CXXC5: variants seen among roughly 807,000 people sequenced by gnomAD.
CXXC5 encodes the protein CXXC finger protein 5.
A neutral mutation model predicts 17.6 loss-of-function variants in CXXC5; 2 were observed. The observed-to-expected ratio is 0.11, with a 90% CI of 0.05 to 0.36. CXXC5 has a LOEUF of 0.36. Among genes scored for constraint, CXXC5 ranks in the 10% least tolerant of loss-of-function variants. CXXC5 has a pLI of 1.00. For missense variants in CXXC5, 343 were observed against 458.3 expected, an observed-to-expected ratio of 0.75 and a Z score of 2.30; for synonymous variants, 171 against 193.0, an observed-to-expected ratio of 0.89 and a Z score of 0.94.
At chr5:139,681,518 CT>C (rs1757237075) in intron 2 of CXXC5, 71 bp downstream of exon 2, 1 of 1,498,320 alleles carries the variant, frequency 6.7e-7, no homozygotes, top group South Asian at 1.4e-5. Context: ...CCCCCATCCC[CT>C]GACCCCACTT....
intron 2 of CXXC5, among the ~76,000 whole-genome samples, chr5:139,681,780 T>A (rs990326716): frequency 1.3e-5 from 2 of 152,242 alleles, no homozygotes; most frequent in African/African-American, 4.8e-5. Flanking sequence ...CCTAAGTTTC[T>A]GATGCTCAGA....
Position 139,683,164 on chromosome 5 carries a change from A to C in CXXC5, c.*257A>C. On this transcript the variant is annotated 3_prime_UTR_variant, in exon 3 of 3. Transcript: ENST00000302517. ...AACAACAAAAAAGAGGTAAAGACGA[A>C]TCTATAAAGTACCGAGACTTCCTGG... 2.8e-6 allele frequency: 1 copy of C among 352,892 alleles called. No individual in the cohort carries two copies. Among genetic ancestry groups the C allele is most frequent in the East Asian group, 4.4e-5 (1 of 22,792 alleles). The allele number at this position is 352,892 out of a possible 1,614,324, so 21.9% of individuals were successfully genotyped here. A position where few individuals can be genotyped will look rare whatever the true frequency, so the allele number is the denominator to read the frequency against.
At chr5:139,671,350 C>G (rs1242862980) in intron 1 of CXXC5, among the ~76,000 whole-genome samples, 1 of 152,194 alleles carries the variant, frequency 6.6e-6, no homozygotes, top group Non-Finnish European at 1.5e-5. Context: ...TGGGCAGACT[C>G]CAGGCCCCCA....
intron 1 of CXXC5, among the ~76,000 whole-genome samples, chr5:139,671,100 AG>A (rs1269359081): frequency 6.6e-6 from 1 of 152,128 alleles, no homozygotes; most frequent in Non-Finnish European, 1.5e-5. Context: ...AGCCTCGGAG[AG>A]TGGGAAATGG....
intron 1 of CXXC5, among the ~76,000 whole-genome samples, chr5:139,671,578 G>T (rs1329369390): frequency 6.6e-6 from 1 of 152,264 alleles, no homozygotes; most frequent in African/African-American, 2.4e-5. Flanking sequence ...GATTCTGGGG[G>T]AGGAGGCCGG....
At chr5:139,662,430 T>C (rs1755872146) in intron 1 of CXXC5, among the ~76,000 whole-genome samples, 1 of 152,072 alleles carries the variant, frequency 6.6e-6, no homozygotes, top group East Asian at 1.9e-4. Flanking sequence ...CCCTTTTCCA[T>C]ATGCTGCCAA....
rs951861448 is a variant in CXXC5, at chr5:139,661,710, T to C, written c.-161+12865T>C. Among the ~76,000 whole-genome samples, 1 of 152,242 alleles carries C rather than the reference T, an allele frequency of 6.6e-6. No homozygotes were observed. The highest frequency in any genetic ancestry group is 1.5e-5 in the Non-Finnish European group (1 of 68,050). On this transcript the variant is annotated intron_variant, in intron 1 of 2. Transcript: ENST00000302517. This position sits in a 1 kb window ranked among gnomAD's most constrained non-coding sequence, Gnocchi z 4.7. The stretch of plus-strand genomic sequence containing the variant: ...CACTGGCACACACAGGCGCAGCTGC[T>C]GTGGTCAGGGCTCTGTTCCCCTAGA...
In CXXC5 at chr5:139,681,195, C is replaced by G; in HGVS notation, c.672C>G (p.Thr224=). The change falls in exon 2 of 3, where the codon ACC becomes ACG. Residue 224 remains threonine (T), a synonymous_variant. Transcript: ENST00000302517. ...TCAACCCAGGCCTCTTCATTATGAC[C>G]CCGGCAGGTGTGTTCCTGGCCGAGA... ...FPINPGLFIM[T]PAGVFLAESA... The G allele has an allele frequency of 1.2e-6, 2 of 1,612,938 alleles. No individual in the cohort carries two copies. Among genetic ancestry groups the G allele is most frequent in the South Asian group, 2.2e-5 (2 of 91,074 alleles).
At position 139,670,465 on chromosome 5, in the gene CXXC5, TCC is replaced by T. The variant is rs1380749174; in HGVS notation, c.-160-9898_-160-9897del. 5.9e-5 allele frequency among the ~76,000 whole-genome samples: 9 copies of T among 152,100 alleles called. No individual in the cohort carries two copies. The highest frequency in any genetic ancestry group is 1.3e-4 in the Non-Finnish European group (9 of 68,002). The stretch of plus-strand genomic sequence containing the variant: ...GTGCACCTGTGGGCAGCTTCCTGTT[TCC>T]ATAGGGGCCCTAGCAGCTGGCACCA... On this transcript the variant is annotated intron_variant, in intron 1 of 2. Coordinates refer to ENST00000302517, the MANE Select transcript of CXXC5 (RefSeq NM_016463.9). The surrounding 1 kb of genome is among the most constrained non-coding windows in gnomAD (Gnocchi z 4.2).
In CXXC5 at chr5:139,670,597, A is replaced by T. The variant is rs1362291228; in HGVS notation, c.-160-9767A>T. 6.6e-6 allele frequency among the ~76,000 whole-genome samples: 1 copy of T among 152,206 alleles called. No individual in the cohort carries two copies. The highest frequency in any genetic ancestry group is 1.5e-5 in the Non-Finnish European group (1 of 68,044). On this transcript the variant is annotated intron_variant, in intron 1 of 2. Coordinates refer to ENST00000302517, the MANE Select transcript of CXXC5 (RefSeq NM_016463.9). The surrounding 1 kb of genome is among the most constrained non-coding windows in gnomAD (Gnocchi z 4.2). Reference sequence around the variant, plus strand: ...TGCGGACATACACACACTGGCATTCATGCGGCAAAGATGTGTTGACACGTA... The same window carrying T: ...TGCGGACATACACACACTGGCATTCTTGCGGCAAAGATGTGTTGACACGTA...
Position 139,678,306 on chromosome 5 carries a change from G to A in CXXC5, c.-160-2058G>A, listed in dbSNP as rs181238704. On this transcript the variant is annotated intron_variant, in intron 1 of 2. Transcript: ENST00000302517. The stretch of plus-strand genomic sequence containing the variant: ...TGAAAAGACCATCCTGGTCTTGGCC[G>A]TTATGAGGTGGGAGGGAACACAGCT... Among the ~76,000 whole-genome samples, 81 of 152,330 alleles carry A rather than the reference G, an allele frequency of 5.3e-4. 1 individual carries two copies. Among genetic ancestry groups the A allele is most frequent in the Admixed American group, 2.4e-3 (37 of 15,304 alleles).
chr5:139,668,459 A>G lies in CXXC5; in HGVS notation c.-160-11905A>G, dbSNP rs1218475930. Among the ~76,000 whole-genome samples the G allele has an allele frequency of 1.3e-5, 2 of 151,230 alleles. No individual in the cohort carries two copies. Among genetic ancestry groups the G allele is most frequent in the Non-Finnish European group, 1.5e-5 (1 of 67,828 alleles). On this transcript the variant is annotated intron_variant, in intron 1 of 2. Coordinates refer to ENST00000302517, the MANE Select transcript of CXXC5 (RefSeq NM_016463.9). This position sits in a 1 kb window ranked among gnomAD's most constrained non-coding sequence, Gnocchi z 4.1. ...CCAGGCCGACTAATTAGGCCCGGCT[A>G]CCTCCCGCGCCGCCCACTGCCCGCT...
chr5:139,665,740 G>T (rs535996712), intron 1 of CXXC5: 11 of 152,412 alleles, frequency 7.2e-5, no homozygotes, highest in African/African-American at 2.6e-4. Context: ...CACTGGAGAC[G>T]TGCAGCTTCC....
intron 2 of CXXC5, 141 bp from the exon 3 acceptor site, chr5:139,682,722 G>T: frequency 1.2e-6 from 1 of 816,768 alleles, no homozygotes; most frequent in Non-Finnish European, 1.8e-6. Context: ...GGCTGGGGTG[G>T]CAGGAGCTCC....
rs6897382 is a variant in CXXC5 at position 139,661,244 on chromosome 5, G to A, written c.-161+12399G>A. 6.4e-3 allele frequency among the ~76,000 whole-genome samples: 969 copies of A among 152,294 alleles called. 9 individuals carry two copies. Among genetic ancestry groups the A allele is most frequent in the African/African-American group, 0.021 (888 of 41,556 alleles). ...AGCAGGGTGAGCTGGGCGGGCGGGC[G>A]GCAGGATTAGCTCAGGAGACGTGAG... is the stretch of plus-strand genomic sequence containing the variant. On this transcript the variant is annotated intron_variant, in intron 1 of 2. Coordinates refer to ENST00000302517, the MANE Select transcript of CXXC5 (RefSeq NM_016463.9). The surrounding 1 kb of genome is among the most constrained non-coding windows in gnomAD (Gnocchi z 4.7).
intron 1 of CXXC5, among the ~76,000 whole-genome samples, chr5:139,678,070 C>T (rs978132534): frequency 6.6e-6 from 1 of 152,360 alleles, no homozygotes; most frequent in African/African-American, 2.4e-5. Context: ...ATCTCTGCAG[C>T]CCACAAGACA....
At chr5:139,653,721 G>T (rs898287705) in intron 1 of CXXC5, among the ~76,000 whole-genome samples, 4 of 152,136 alleles carry the variant, frequency 2.6e-5, no homozygotes, top group African/African-American at 7.2e-5. Flanking sequence ...CACATCTTGG[G>T]GTGTCAGTGC....
intron 1 of CXXC5, among the ~76,000 whole-genome samples, chr5:139,653,833 C>CCTCCCTCTGGG (rs1755340918): frequency 6.7e-6 from 1 of 149,234 alleles, no homozygotes; most frequent in African/African-American, 2.6e-5. Flanking sequence ...CTGATGCTGG[C>CCTCCCTCTGGG]CTCCCTCTGG....
intron 1 of CXXC5, among the ~76,000 whole-genome samples, chr5:139,655,462 C>A (rs1755441470): frequency 6.7e-6 from 1 of 149,856 alleles, no homozygotes; most frequent in Non-Finnish European, 1.5e-5. Flanking sequence ...GGCATCCCTG[C>A]CGCTGAATTA....
Sources: gnomAD v4.1 joint callset for allele counts (sites outside exome capture counted in the v4.1 genomes callset) on GRCh38, gnomAD v4.1.1 for gene constraint, Gnocchi (gnomAD v3.1) non-coding constraint, MANE v1.5 for transcripts, NCBI Gene and HGNC (gene_info 2026-07-23, HGNC 2026-07-21) for gene names.